The following CDH8 variants were observed in gnomAD, a reference collection of about 807,000 sequenced individuals.
The protein encoded by CDH8 is cadherin 8, also known as cadherin-8.
CDH8 carries 17 observed loss-of-function variants against 68.1 expected under a neutral mutation model. That is an observed-to-expected ratio of 0.25 (90% CI 0.17 to 0.37). CDH8 has a LOEUF of 0.37. Ranked by LOEUF, CDH8 falls within the 10% of genes least tolerant of loss-of-function variation. The pLI, the probability that CDH8 is intolerant of heterozygous loss-of-function variation, is 1.00. For missense variants in CDH8, 763 were observed against 999.3 expected (o/e 0.76, Z 3.19); for synonymous variants, 372 against 365.1 (o/e 1.02, Z -0.21).
chr16:61,926,656 C>T (rs1393878915), intron 2 of CDH8, among the ~76,000 whole-genome samples: 1 of 152,176 alleles, frequency 6.6e-6, no homozygotes, highest in Non-Finnish European at 1.5e-5. Context: ...ATGCAGTGTG[C>T]TCAGTCACAG....
intron 2 of CDH8, among the ~76,000 whole-genome samples, chr16:61,978,560 T>C (rs1390717682): frequency 3.4e-4 from 51 of 152,124 alleles, no homozygotes; most frequent in Non-Finnish European, 1.5e-5. Context: ...TCATGGTAAA[T>C]TTAAGAGATT....
intron 3 of CDH8, among the ~76,000 whole-genome samples, chr16:61,863,796 C>T (rs1963199420): frequency 6.6e-6 from 1 of 152,238 alleles, no homozygotes; most frequent in African/African-American, 2.4e-5. Context: ...TTTATTTGAC[C>T]TGCTAGTTAT....
chr16:61,800,722 CAAAT>C (rs1189156197), intron 7 of CDH8, among the ~76,000 whole-genome samples: 1 of 152,144 alleles, frequency 6.6e-6, no homozygotes, highest in Non-Finnish European at 1.5e-5. Flanking sequence ...AAACATTTGA[CAAAT>C]GAATGAAAAT....
chr16:61,716,899 A>G (rs1266024520), intron 9 of CDH8, among the ~76,000 whole-genome samples: 1 of 151,708 alleles, frequency 6.6e-6, no homozygotes, highest in Non-Finnish European at 1.5e-5. Flanking sequence ...TCATTGATGA[A>G]ATAACTTTTG....
chr16:61,959,418 A>G (rs554655497), intron 2 of CDH8, among the ~76,000 whole-genome samples: 2 of 152,196 alleles, frequency 1.3e-5, no homozygotes, highest in South Asian at 2.1e-4. Flanking sequence ...AAGAATCTCG[A>G]GACAATGACA....
chr16:61,933,717 T>A (rs183905782), intron 2 of CDH8, among the ~76,000 whole-genome samples: 3 of 149,396 alleles, frequency 2.0e-5, no homozygotes, highest in African/African-American at 7.7e-5. Flanking sequence ...CTGGTGGTGA[T>A]TTTTTTTGTT....
chr16:61,840,879 A>G (rs962264121), intron 4 of CDH8, among the ~76,000 whole-genome samples: 4 of 152,208 alleles, frequency 2.6e-5, no homozygotes, highest in African/African-American at 9.7e-5. Flanking sequence ...ACATTTACCT[A>G]TGCAACAAAC....
intron 8 of CDH8, among the ~76,000 whole-genome samples, chr16:61,758,676 G>A (rs957763951): frequency 2.6e-5 from 4 of 151,996 alleles, no homozygotes; most frequent in African/African-American, 4.8e-5. Flanking sequence ...CAAGTGATCC[G>A]CCCACCTCGG....
At chr16:62,010,601 C>T (rs961221017) in intron 2 of CDH8, among the ~76,000 whole-genome samples, 6 of 152,222 alleles carry the variant, frequency 3.9e-5, no homozygotes, top group Admixed American at 1.3e-4. Flanking sequence ...ATATAGTAAA[C>T]ACTCAATAGA....
chr16:61,835,078 T>C (rs1962540291), intron 4 of CDH8, among the ~76,000 whole-genome samples: 1 of 152,000 alleles, frequency 6.6e-6, no homozygotes, highest in Admixed American at 6.6e-5. Context: ...TCACCTTCTA[T>C]GCTATCCCAG....
chr16:61,739,727 CA>C (rs1240563096), intron 8 of CDH8, among the ~76,000 whole-genome samples: 33 of 93,092 alleles, frequency 3.5e-4, no homozygotes, highest in Non-Finnish European at 3.5e-4. Flanking sequence ...GACTCTGCCT[CA>C]AAAAAAAAAA....
chr16:61,706,800 A>G (rs2142858848), intron 10 of CDH8, among the ~76,000 whole-genome samples: 1 of 152,284 alleles, frequency 6.6e-6, no homozygotes, highest in South Asian at 2.1e-4. Flanking sequence ...TATTTAGCAT[A>G]CAAGACTTTC....
intron 3 of CDH8, among the ~76,000 whole-genome samples, chr16:61,876,435 T>C (rs902611858): frequency 2.0e-5 from 3 of 152,118 alleles, no homozygotes; most frequent in Admixed American, 2.0e-4. Flanking sequence ...GTCAACTTCC[T>C]CCTTCCCATT....
chr16:62,009,890 T>G (rs1259168350), intron 2 of CDH8, among the ~76,000 whole-genome samples: 1 of 152,238 alleles, frequency 6.6e-6, no homozygotes, highest in Non-Finnish European at 1.5e-5. Flanking sequence ...TTACTCCTTC[T>G]CCATCATTTT....
intron 7 of CDH8, among the ~76,000 whole-genome samples, chr16:61,815,732 A>G (rs1962058675): frequency 1.3e-5 from 2 of 152,136 alleles, no homozygotes; most frequent in African/African-American, 4.8e-5. Flanking sequence ...TTGGTGTCTC[A>G]GTTGAACCAA....
chr16:61,814,785 G>A (rs1962035463), intron 7 of CDH8, among the ~76,000 whole-genome samples: 1 of 152,160 alleles, frequency 6.6e-6, no homozygotes, highest in Non-Finnish European at 1.5e-5. Context: ...AAGGAACTAT[G>A]CATTGCTCTG....
In CDH8 at chr16:61,887,500, G is replaced by A. The variant is rs1412234487; in HGVS notation, c.547+13679C>T. On this transcript the variant is annotated intron_variant, in intron 3 of 11. Coordinates refer to ENST00000577390, the MANE Select transcript of CDH8 (RefSeq NM_001796.5). ...AGCCTTCTCTCTCTGGCTTGCAGAT[G>A]GCTTCCCTCTTGCTGCCTTCTCATG... Among the ~76,000 whole-genome samples the A allele has an allele frequency of 2.6e-5, 4 of 152,156 alleles. No homozygotes were observed. In the East Asian group the frequency reaches 7.7e-4, roughly 29 times the overall value.
intron 4 of CDH8, among the ~76,000 whole-genome samples, chr16:61,838,037 C>A (rs1273113592): frequency 1.3e-5 from 2 of 152,100 alleles, no homozygotes; most frequent in Non-Finnish European, 2.9e-5. Context: ...CAGGTTGTTA[C>A]AGGTCTATTG....
At chr16:62,018,973 G>T (rs1428999622) in intron 2 of CDH8, among the ~76,000 whole-genome samples, 1 of 152,090 alleles carries the variant, frequency 6.6e-6, no homozygotes. Context: ...GCAACCCCAC[G>T]TTAATTACTT....
Sources: allele counts gnomAD v4.1 joint callset (sites outside exome capture counted in the v4.1 genomes callset), GRCh38; gene constraint gnomAD v4.1.1; transcripts MANE v1.5; gene names NCBI Gene and HGNC (gene_info 2026-07-23, HGNC 2026-07-21).